GPC6: variants seen among roughly 807,000 people sequenced by gnomAD.
GPC6 encodes glypican-6.
A neutral mutation model predicts 55.2 loss-of-function variants in GPC6; 14 were observed. The ratio of observed to expected loss-of-function variants is 0.25; its 90% CI spans 0.17 to 0.40. GPC6 has a LOEUF of 0.40. Ranked by LOEUF, GPC6 falls within the 10% of genes least tolerant of loss-of-function variation. The probability of loss-of-function intolerance (pLI) is 1.00; values close to 1 mark genes in which losing one functional copy is unlikely to be tolerated. For synonymous variants in GPC6, 278 were observed against 259.6 expected (o/e 1.07, Z -0.68); for missense variants, 641 against 708.5 (o/e 0.90, Z 1.08).
chr13:94,066,455 C>T (rs2138775958), intron 4 of GPC6, among the ~76,000 whole-genome samples: 1 of 151,964 alleles, frequency 6.6e-6, no homozygotes, highest in Middle Eastern at 3.4e-3. Flanking sequence ...ACAGTTTTTC[C>T]CCACTACAGA....
At chr13:93,883,587 C>T (rs905375965) in intron 3 of GPC6, among the ~76,000 whole-genome samples, 8 of 151,764 alleles carry the variant, frequency 5.3e-5, no homozygotes, top group African/African-American at 1.9e-4. Context: ...TGCTTGTTGG[C>T]CATTTGTGTA....
intron 4 of GPC6, among the ~76,000 whole-genome samples, chr13:94,263,981 G>A (rs558025752): frequency 1.8e-4 from 27 of 152,272 alleles, no homozygotes; most frequent in African/African-American, 4.8e-4. Context: ...AATTGAGTCT[G>A]TGGCTGCTGC....
intron 1 of GPC6, among the ~76,000 whole-genome samples, chr13:93,300,946 G>A (rs1878655363): frequency 6.6e-6 from 1 of 152,056 alleles, no homozygotes; most frequent in Non-Finnish European, 1.5e-5. Flanking sequence ...TTGAACCCGG[G>A]AGGCAGAGGT....
At chr13:93,225,889 T>C (rs993099584), upstream of GPC6, among the ~76,000 whole-genome samples, 2 of 152,176 alleles carry the variant, frequency 1.3e-5, no homozygotes, top group African/African-American at 2.4e-5. Flanking sequence ...AACACTATTA[T>C]TATTATTATT....
chr13:93,270,720 CA>C (rs35973627), intron 1 of GPC6, among the ~76,000 whole-genome samples: 2,480 of 127,942 alleles, frequency 0.019, 56 homozygotes, highest in African/African-American at 0.056. Flanking sequence ...TTATTTTCCT[CA>C]AAAAAAAAAA....
At chr13:93,604,007 G>A (rs757942996) in intron 2 of GPC6, among the ~76,000 whole-genome samples, 4 of 152,108 alleles carry the variant, frequency 2.6e-5, no homozygotes, top group Admixed American at 6.5e-5. Flanking sequence ...TTTCAAATAG[G>A]GAAATGGGAG....
intron 6 of GPC6, among the ~76,000 whole-genome samples, chr13:94,337,084 A>G (rs1408840527): frequency 1.3e-5 from 2 of 152,224 alleles, no homozygotes; most frequent in African/African-American, 2.4e-5. Flanking sequence ...GTTCAGAGAC[A>G]AATCTGTGGC....
At chr13:93,842,751 T>C (rs1221269303) in intron 3 of GPC6, among the ~76,000 whole-genome samples, 1 of 152,110 alleles carries the variant, frequency 6.6e-6, no homozygotes, top group Non-Finnish European at 1.5e-5. Flanking sequence ...TATTTATTTT[T>C]TGTTGGTGGT....
chr13:94,178,876 C>A (rs1304689440), intron 4 of GPC6, among the ~76,000 whole-genome samples: 1 of 152,194 alleles, frequency 6.6e-6, no homozygotes, highest in Non-Finnish European at 1.5e-5. Context: ...TGTTATGAGT[C>A]CTCCTGCCTT....
Position 93,850,027 on chromosome 13 carries a change from C to A in GPC6, c.711+19482C>A, listed in dbSNP as rs188489713. On this transcript the variant is annotated intron_variant, in intron 3 of 8. Coordinates refer to ENST00000377047, the MANE Select transcript of GPC6 (RefSeq NM_005708.5). ...TTTCCTCTGAGAGGTCTTAATCATT[C>A]ATGCCCATGAGTAAAAAAAGGCTGT... 1.2e-4 allele frequency among the ~76,000 whole-genome samples: 18 copies of A among 152,148 alleles called. No individual in the cohort carries two copies. In the East Asian group the frequency reaches 3.3e-3, roughly 28 times the overall value.
intron 1 of GPC6, among the ~76,000 whole-genome samples, chr13:93,520,295 T>C (rs1881365647): frequency 1.3e-5 from 2 of 151,952 alleles, no homozygotes; most frequent in African/African-American, 4.8e-5. Context: ...TTGAGGAGCA[T>C]TGGTTGACTA....
At chr13:94,271,969 C>T (rs142613571) in intron 4 of GPC6, among the ~76,000 whole-genome samples, 19 of 152,240 alleles carry the variant, frequency 1.2e-4, no homozygotes, top group Non-Finnish European at 2.5e-4. Flanking sequence ...AAACAATCCA[C>T]CTTTTTCTTT....
chr13:93,727,844 C>T (rs1233296558), intron 2 of GPC6, among the ~76,000 whole-genome samples: 2 of 152,134 alleles, frequency 1.3e-5, no homozygotes, highest in Non-Finnish European at 2.9e-5. Flanking sequence ...CCATGGCTTA[C>T]AAAGCCTCCC....
At chr13:94,206,952 C>A (rs1889922739) in intron 4 of GPC6, among the ~76,000 whole-genome samples, 1 of 152,160 alleles carries the variant, frequency 6.6e-6, no homozygotes, top group Non-Finnish European at 1.5e-5. Flanking sequence ...CAGTCACCCC[C>A]TTTATCTAAC....
intron 1 of GPC6, among the ~76,000 whole-genome samples, chr13:93,398,225 A>G (rs991092210): frequency 3.3e-5 from 5 of 152,316 alleles, no homozygotes; most frequent in Admixed American, 1.3e-4. Context: ...GCAAAAACGT[A>G]TGTTCTTTTT....
At chr13:93,558,059 A>G (rs1467200562) in intron 2 of GPC6, among the ~76,000 whole-genome samples, 1 of 152,170 alleles carries the variant, frequency 6.6e-6, no homozygotes, top group Admixed American at 6.5e-5. Context: ...CAGGCCTTGG[A>G]TCTTCACAGA....
chr13:93,403,145 A>G (rs182679994), intron 1 of GPC6, among the ~76,000 whole-genome samples: 12 of 152,340 alleles, frequency 7.9e-5, no homozygotes, highest in Admixed American at 5.2e-4. Flanking sequence ...GAATATTTCA[A>G]TGATCTCATA....
chr13:94,120,307 AC>A (rs1443263085), intron 4 of GPC6, among the ~76,000 whole-genome samples: 1 of 152,018 alleles, frequency 6.6e-6, no homozygotes, highest in Non-Finnish European at 1.5e-5. Flanking sequence ...GTTTTCCAAA[AC>A]CTTTAGGATT....
intron 3 of GPC6, among the ~76,000 whole-genome samples, chr13:93,916,849 C>T (rs1338138453): frequency 5.9e-5 from 9 of 151,816 alleles, no homozygotes; most frequent in Non-Finnish European, 1.3e-4. Context: ...TATTTTGTTG[C>T]AAAATAAAAG....
Sources: allele counts gnomAD v4.1 joint callset (sites outside exome capture counted in the v4.1 genomes callset), GRCh38; gene constraint gnomAD v4.1.1; transcripts MANE v1.5; gene names NCBI Gene and HGNC (gene_info 2026-07-23, HGNC 2026-07-21).